DLGAP4: variants seen among roughly 807,000 people sequenced by gnomAD.
The protein encoded by DLGAP4 is DLG associated protein 4, also known as disks large-associated protein 4.
A neutral mutation model predicts 86.9 loss-of-function variants in DLGAP4; 18 were observed. The observed-to-expected ratio is 0.21, with a 90% CI of 0.14 to 0.31. DLGAP4 has a LOEUF of 0.31. DLGAP4 is among the 10% of genes least tolerant of loss of function. The probability of loss-of-function intolerance (pLI) is 1.00; values close to 1 mark genes in which losing one functional copy is unlikely to be tolerated. For missense variants in DLGAP4, 1,085 were observed against 1,362.6 expected (o/e 0.80, Z 3.21); for synonymous variants, 548 against 574.3 (o/e 0.95, Z 0.65).
intron 1 of DLGAP4, among the ~76,000 whole-genome samples, chr20:36,348,494 C>T (rs1049436310): frequency 6.6e-6 from 1 of 152,084 alleles, no homozygotes; most frequent in African/African-American, 2.4e-5. Context: ...TCTCGGCTCA[C>T]TGCAACCTCC....
intron 1 of DLGAP4, among the ~76,000 whole-genome samples, chr20:36,321,425 GC>G (rs1185647950): frequency 6.6e-6 from 1 of 152,250 alleles, no homozygotes; most frequent in African/African-American, 2.4e-5. Context: ...CAAGGCAGTG[GC>G]CAGGTCTGAT....
intron 1 of DLGAP4, among the ~76,000 whole-genome samples, chr20:36,355,321 A>G (rs1333048601): frequency 1.0e-4 from 15 of 146,196 alleles, no homozygotes; most frequent in African/African-American, 3.8e-4. Context: ...TTTAAGAGAC[A>G]GGGTCTCACT....
chr20:36,361,738 T>G (rs1397124079), intron 1 of DLGAP4, among the ~76,000 whole-genome samples: 1 of 151,960 alleles, frequency 6.6e-6, no homozygotes, highest in Non-Finnish European at 1.5e-5. Flanking sequence ...TTTGGGAGGC[T>G]GAGGCAGGTG....
chr20:36,444,511 A>G (rs2033539228), intron 6 of DLGAP4, among the ~76,000 whole-genome samples: 1 of 152,050 alleles, frequency 6.6e-6, no homozygotes, highest in South Asian at 2.1e-4. Context: ...CCCGAACACA[A>G]GTGATCCTCC....
chr20:36,446,598 A>G (rs1464435567), intron 6 of DLGAP4, 99 bp from the exon 7 acceptor site: 4 of 1,183,354 alleles, frequency 3.4e-6, no homozygotes, highest in Non-Finnish European at 1.2e-6. Flanking sequence ...GTCAGACCCC[A>G]CAGACTGTCC....
intron 1 of DLGAP4, among the ~76,000 whole-genome samples, chr20:36,359,579 G>A (rs1424889392): frequency 6.6e-6 from 1 of 152,128 alleles, no homozygotes; most frequent in African/African-American, 2.4e-5. Flanking sequence ...TGTAGCCTGA[G>A]GCAAAGGAAC....
chr20:36,524,011 C>T (rs542805902), intron 10 of DLGAP4, among the ~76,000 whole-genome samples: 2 of 152,154 alleles, frequency 1.3e-5, no homozygotes, highest in South Asian at 4.3e-4. Context: ...TACATTTACA[C>T]TCAGTTTTCA....
At chr20:36,396,487 A>C (rs996220644) in intron 2 of DLGAP4, among the ~76,000 whole-genome samples, 2 of 133,124 alleles carry the variant, frequency 1.5e-5, no homozygotes, top group African/African-American at 5.7e-5. Context: ...CACACACACC[A>C]CACACATGCA....
intron 5 of DLGAP4, among the ~76,000 whole-genome samples, chr20:36,441,285 G>A (rs556403657): frequency 7.0e-4 from 106 of 152,262 alleles, no homozygotes; most frequent in Non-Finnish European, 1.2e-3. Context: ...ATATACGAGT[G>A]TGCCATGTCA....
chr20:36,379,132 G>T (rs972927529), intron 2 of DLGAP4, among the ~76,000 whole-genome samples: 3 of 152,214 alleles, frequency 2.0e-5, no homozygotes, highest in African/African-American at 7.2e-5. Flanking sequence ...GGTGGTCAGA[G>T]AGGCCCTCTT....
rs772768118 is a variant in DLGAP4, at chr20:36,436,311, C to A, written c.1202C>A (p.Ala401Asp). 6.2e-7 allele frequency: 1 copy of A among 1,603,364 alleles called. No individual in the cohort carries two copies. Among genetic ancestry groups the A allele is most frequent in the South Asian group, 1.1e-5 (1 of 90,656 alleles). ...GCGCGGCGCCAGAGCTATCTGAGGGCCACGCAGCAGTCGCTGGGAGAGCAG... is the reference window on the plus strand; with the variant it reads ...GCGCGGCGCCAGAGCTATCTGAGGGACACGCAGCAGTCGCTGGGAGAGCAG... ...TAARRQSYLR[A>D]TQQSLGEQSN... Residue 401 changes from alanine (A) to aspartate (D), a missense_variant, in exon 4 of 13, where the codon GCC (alanine) becomes GAC (aspartate). Physicochemically the swap from Ala to Asp is moderately radical, Grantham distance 126 (BLOSUM62 -2). Around this residue, in one of 2 missense-constraint regions of DLGAP4, gnomAD observed 1,082 missense variants for 1,344.1 expected, o/e 0.81. Coordinates refer to ENST00000339266, the MANE Select transcript of DLGAP4 (RefSeq NM_001365621.2).
intron 1 of DLGAP4, among the ~76,000 whole-genome samples, chr20:36,309,262 C>G (rs1414438065): frequency 1.3e-5 from 2 of 152,224 alleles, no homozygotes; most frequent in African/African-American, 2.4e-5. Context: ...TTCATTACCC[C>G]GTGCCCATCC....
intron 1 of DLGAP4, among the ~76,000 whole-genome samples, chr20:36,351,803 A>G (rs1555893483): frequency 6.6e-6 from 1 of 152,120 alleles, no homozygotes; most frequent in East Asian, 1.9e-4. Context: ...AGCAATTACT[A>G]TGCCCCAGAC....
At chr20:36,481,095 G>T (rs2035166209) in intron 7 of DLGAP4, among the ~76,000 whole-genome samples, 1 of 152,178 alleles carries the variant, frequency 6.6e-6, no homozygotes, top group Non-Finnish European at 1.5e-5. Flanking sequence ...GGCAAAGAGC[G>T]TCTCAGGCCC....
At chr20:36,423,241 C>G (rs1291323662) in intron 2 of DLGAP4, among the ~76,000 whole-genome samples, 2 of 151,734 alleles carry the variant, frequency 1.3e-5, no homozygotes, top group Admixed American at 1.3e-4. Context: ...GCGGGCGGAT[C>G]ACTTGAGCTC....
chr20:36,439,979 C>T, intron 5 of DLGAP4, 111 bp downstream of exon 5: 2 of 893,682 alleles, frequency 2.2e-6, no homozygotes, highest in Non-Finnish European at 3.5e-6. Flanking sequence ...CAGATGTCTG[C>T]ACTGTGCTTC....
intron 2 of DLGAP4, among the ~76,000 whole-genome samples, chr20:36,430,879 C>T (rs776306318): frequency 4.6e-5 from 7 of 151,190 alleles, no homozygotes; most frequent in Non-Finnish European, 8.8e-5. Flanking sequence ...CACTTGAACC[C>T]GGGAGACGGA....
intron 7 of DLGAP4, among the ~76,000 whole-genome samples, chr20:36,460,432 T>C (rs1648579338): frequency 2.0e-5 from 3 of 152,278 alleles, no homozygotes; most frequent in Admixed American, 1.3e-4. Context: ...CCGTTTATTA[T>C]TTTTACACCT....
rs529126090 is a variant in DLGAP4 at position 36,514,113 on chromosome 20, C to T, written c.2513-10137C>T. On this transcript the variant is annotated intron_variant, in intron 10 of 12. Coordinates refer to ENST00000339266, the MANE Select transcript of DLGAP4 (RefSeq NM_001365621.2). ...GCGGTGGAAAGGGAGGAATAAACAGCAAGATCAAAGGAAGAGCAATTGGAA... is the reference window on the plus strand; with the variant it reads ...GCGGTGGAAAGGGAGGAATAAACAGTAAGATCAAAGGAAGAGCAATTGGAA... Among the ~76,000 whole-genome samples the T allele has an allele frequency of 8.5e-4, 129 of 151,878 alleles. 1 individual carries two copies. The highest frequency in any genetic ancestry group is 3.0e-3 in the African/African-American group (124 of 41,326).
Sources: allele counts gnomAD v4.1 joint callset (sites outside exome capture counted in the v4.1 genomes callset), GRCh38; gene constraint gnomAD v4.1.1; regional missense constraint gnomAD v4.1.1; transcripts MANE v1.5; gene names NCBI Gene and HGNC (gene_info 2026-07-23, HGNC 2026-07-21).